PAAF1: variants seen among roughly 807,000 people sequenced by gnomAD.
PAAF1 encodes the protein proteasomal ATPase-associated factor 1.
PAAF1 carries 46 observed loss-of-function variants against 52.8 expected under a neutral mutation model. That is an observed-to-expected ratio of 0.87 (90% CI 0.69 to 1.11). The LOEUF (loss-of-function observed/expected upper bound fraction) is 1.11. Among genes scored for constraint, PAAF1 ranks in the 50% most tolerant of loss-of-function variants. PAAF1 has a pLI of 0.00. For synonymous variants in PAAF1, 178 were observed against 172.8 expected, an observed-to-expected ratio of 1.03 and a Z score of -0.24; for missense variants, 424 against 477.4, an observed-to-expected ratio of 0.89 and a Z score of 1.04.
rs771035871 is a variant in PAAF1, at chr11:73,878,775, G to C, written c.48-4G>C. ...CCTAATTAGGCTTTTGTCTTTCTTC[G>C]TAGGAAGGATGAAGGGGAGGCCTGG... On this transcript the variant is annotated splice_polypyrimidine_tract_variant and splice_region_variant and intron_variant, in intron 1 of 11. Coordinates refer to ENST00000310571, the MANE Select transcript of PAAF1 (RefSeq NM_025155.3). 6.8e-6 allele frequency: 11 copies of C among 1,612,710 alleles called. No individual in the cohort carries two copies. The highest frequency in any genetic ancestry group is 5.3e-5 in the African/African-American group (4 of 74,826).
chr11:73,877,894 G>T (rs1370604682), intron 1 of PAAF1, among the ~76,000 whole-genome samples: 1 of 152,102 alleles, frequency 6.6e-6, no homozygotes, highest in Non-Finnish European at 1.5e-5. Context: ...CAAAAAAGAA[G>T]AAAAGCTGAC....
chr11:73,878,122 T>A (rs992477884), intron 1 of PAAF1, among the ~76,000 whole-genome samples: 12 of 152,320 alleles, frequency 7.9e-5, no homozygotes, highest in Admixed American at 7.8e-4. Context: ...AATTTATACC[T>A]TACTTAATTT....
At position 73,887,376 on chromosome 11, in the gene PAAF1, C is replaced by G; in HGVS notation, c.111C>G (p.Ser37Arg). The G allele has an allele frequency of 1.9e-6, 3 of 1,612,196 alleles. No homozygotes were observed. In the South Asian group the frequency reaches 3.3e-5, roughly 18 times the overall value. Residue 37 changes from serine (S) to arginine (R), a missense_variant, in exon 3 of 12, where the codon AGC becomes AGG. Coordinates refer to ENST00000310571, the MANE Select transcript of PAAF1 (RefSeq NM_025155.3). ...HPPGKPSLYGSLTCQGIGLDG... is the reference protein window; with the variant it reads ...HPPGKPSLYGRLTCQGIGLDG... ...TAGGGAAACCATCTTTGTATGGCAG[C>G]CTGACTTGTCAAGGAATTGGCCTAG...
intron 6 of PAAF1, among the ~76,000 whole-genome samples, chr11:73,903,672 A>C (rs1043745354): frequency 2.0e-5 from 3 of 149,830 alleles, no homozygotes; most frequent in Non-Finnish European, 4.4e-5. Context: ...AGCTGAGATC[A>C]CACCATTGCA....
intron 6 of PAAF1, among the ~76,000 whole-genome samples, chr11:73,908,283 ATGTATATATATGTG>A (rs1185634867): frequency 3.3e-4 from 49 of 146,498 alleles, no homozygotes; most frequent in African/African-American, 1.1e-3. Context: ...ATGTGTATAT[ATGTATATATATGTG>A]TGTATATATG....
intron 4 of PAAF1, among the ~76,000 whole-genome samples, chr11:73,898,049 G>A (rs1206558789): frequency 6.6e-6 from 1 of 152,304 alleles, no homozygotes; most frequent in Non-Finnish European, 1.5e-5. Context: ...CAGGCGTGGC[G>A]GCGCGCGCCT....
chr11:73,895,683 A>G (rs1949324867), intron 4 of PAAF1, among the ~76,000 whole-genome samples: 1 of 152,228 alleles, frequency 6.6e-6, no homozygotes, highest in South Asian at 2.1e-4. Flanking sequence ...GGAATTGCAT[A>G]TCTTGGTCCA....
chr11:73,899,323 G>T (rs1565136356), intron 5 of PAAF1, 79 bp downstream of exon 5: 6 of 955,260 alleles, frequency 6.3e-6, no homozygotes, highest in Non-Finnish European at 9.8e-6. Flanking sequence ...ATGGAAGGAA[G>T]AATGGCCCAT....
At chr11:73,912,108 G>A (rs764579112) in intron 7 of PAAF1, among the ~76,000 whole-genome samples, 3 of 151,850 alleles carry the variant, frequency 2.0e-5, no homozygotes, top group African/African-American at 4.8e-5. Context: ...CTTCTTAAAG[G>A]TCTCCTTTTA....
intron 4 of PAAF1, among the ~76,000 whole-genome samples, chr11:73,896,951 C>T (rs183037052): frequency 2.2e-5 from 3 of 136,860 alleles, no homozygotes; most frequent in Admixed American, 7.0e-5. Flanking sequence ...CCTCCCTCCC[C>T]GACGGGGCGG....
At chr11:73,925,473 A>G (rs1205535009) in intron 11 of PAAF1, among the ~76,000 whole-genome samples, 1 of 152,020 alleles carries the variant, frequency 6.6e-6, no homozygotes, top group Non-Finnish European at 1.5e-5. Flanking sequence ...CTCAAAAAAA[A>G]AAAAAAAAAG....
chr11:73,921,400 T>C (rs1253307439), intron 10 of PAAF1, among the ~76,000 whole-genome samples: 1 of 152,102 alleles, frequency 6.6e-6, no homozygotes. Flanking sequence ...GTACTTTTTT[T>C]TTTTGGAATG....
intron 9 of PAAF1, among the ~76,000 whole-genome samples, chr11:73,917,998 A>G (rs1950111055): frequency 6.6e-6 from 1 of 152,196 alleles, no homozygotes; most frequent in South Asian, 2.1e-4. Context: ...CAGAAATCTA[A>G]GGAAGCACCA....
chr11:73,912,449 T>C (rs1357186954), intron 7 of PAAF1, among the ~76,000 whole-genome samples: 1 of 152,200 alleles, frequency 6.6e-6, no homozygotes, highest in Non-Finnish European at 1.5e-5. Flanking sequence ...TCTTTCCTCA[T>C]GTCCCACATC....
At chr11:73,909,711 C>T (rs1292286043) in intron 7 of PAAF1, 118 bp downstream of exon 7, 2 of 884,622 alleles carry the variant, frequency 2.3e-6, no homozygotes, top group Non-Finnish European at 3.4e-6. Flanking sequence ...TTTCTGTTTT[C>T]ACCATACGAT....
At chr11:73,885,382 T>C (rs1428801722) in intron 2 of PAAF1, among the ~76,000 whole-genome samples, 4 of 151,680 alleles carry the variant, frequency 2.6e-5, no homozygotes, top group African/African-American at 9.7e-5. Flanking sequence ...GACCTTGTGA[T>C]CCACCCACCT....
At chr11:73,884,388 A>G (rs1181830490) in intron 2 of PAAF1, among the ~76,000 whole-genome samples, 1 of 152,138 alleles carries the variant, frequency 6.6e-6, no homozygotes, top group Non-Finnish European at 1.5e-5. Context: ...CAGGCTACTC[A>G]GGAAGCTGAG....
chr11:73,901,570 A>G (rs1013854314), intron 6 of PAAF1, among the ~76,000 whole-genome samples: 2 of 151,586 alleles, frequency 1.3e-5, no homozygotes, highest in African/African-American at 4.8e-5. Context: ...GAACCTCAGT[A>G]CATTGTAACT....
rs370990257 is a variant in PAAF1, at chr11:73,899,175, A to G, written c.312A>G (p.Gly104=). The part of the protein sequence containing the change: ...SITCLDISSR[G]GLGVSSSTDG... ...CATGCCTGGACATTTCCAGCAGAGG[A>G]GGTCTTGGTGTGTCTTCTAGTACTG... is the stretch of plus-strand genomic sequence containing the variant. Residue 104 remains glycine (G), a synonymous_variant, in exon 5 of 12, where the codon GGA becomes GGG. Coordinates refer to ENST00000310571, the MANE Select transcript of PAAF1 (RefSeq NM_025155.3). 3.2e-5 allele frequency: 51 copies of G among 1,613,962 alleles called. No individual in the cohort carries two copies. The African/African-American group carries it at 6.3e-4, about 20-fold the overall frequency.
Sources: gnomAD v4.1 joint callset for allele counts (sites outside exome capture counted in the v4.1 genomes callset) on GRCh38, gnomAD v4.1.1 for gene constraint, MANE v1.5 for transcripts, NCBI Gene and HGNC (gene_info 2026-07-23, HGNC 2026-07-21) for gene names.